Variants in CENPP observed in about 807,000 individuals in gnomAD.
CENPP encodes centromere protein P.
Under a neutral mutation model 35.6 loss-of-function variants are expected in CENPP, and 24 were observed. That is an observed-to-expected ratio of 0.67 (90% confidence interval 0.49 to 0.95). The LOEUF (loss-of-function observed/expected upper bound fraction) is 0.95, where lower values mean the gene tolerates loss of function less well. Among genes scored for constraint, CENPP ranks in the 40% least tolerant of loss-of-function variants. The pLI is 0.00. For synonymous variants in CENPP, 120 were observed against 125.5 expected (o/e 0.96, Z 0.29); for missense variants, 332 against 345.3 (o/e 0.96, Z 0.31).
intron 5 of CENPP, among the ~76,000 whole-genome samples, chr9:92,531,686 T>C (rs1446834641): frequency 6.6e-6 from 1 of 152,140 alleles, no homozygotes; most frequent in Non-Finnish European, 1.5e-5. Context: ...CGCCCCTCAA[T>C]TGAGAACCAC....
At chr9:92,600,104 CCAAT>C (rs1440093837) in intron 5 of CENPP, among the ~76,000 whole-genome samples, 2 of 152,216 alleles carry the variant, frequency 1.3e-5, no homozygotes, top group African/African-American at 2.4e-5. Flanking sequence ...TGGCTGTGTG[CCAAT>C]CAAACTTTAT....
intron 5 of CENPP, among the ~76,000 whole-genome samples, chr9:92,567,373 G>GATATATAGATATATATATAT (rs1554688236): frequency 7.7e-5 from 10 of 129,084 alleles, no homozygotes; most frequent in East Asian, 5.1e-4. Flanking sequence ...ACATAAGATA[G>GATATATAGATATATATATAT]ATATATATAT....
intron 5 of CENPP, among the ~76,000 whole-genome samples, chr9:92,532,588 T>TGATACTC (rs1382869562): frequency 6.6e-6 from 1 of 152,194 alleles, no homozygotes; most frequent in Non-Finnish European, 1.5e-5. Context: ...TCCAGTTCAT[T>TGATACTC]GATACTCTCT....
intron 5 of CENPP, among the ~76,000 whole-genome samples, chr9:92,449,174 G>A (rs1844629709): frequency 6.6e-6 from 1 of 152,122 alleles, no homozygotes; most frequent in African/African-American, 2.4e-5. Context: ...TGGGTGTGGT[G>A]GCTCAAGCCT....
chr9:92,376,402 T>A (rs1025200588), intron 4 of CENPP, among the ~76,000 whole-genome samples: 16 of 152,170 alleles, frequency 1.1e-4, no homozygotes, highest in African/African-American at 3.6e-4. Flanking sequence ...TACCCAAGGT[T>A]CATTGTCCCA....
chr9:92,466,329 A>G (rs747321863), intron 5 of CENPP: 21 of 1,357,044 alleles, frequency 1.5e-5, no homozygotes, highest in Non-Finnish European at 2.1e-5. Flanking sequence ...TTATAATTTC[A>G]AGATGTCCCA....
intron 5 of CENPP, among the ~76,000 whole-genome samples, chr9:92,442,719 G>A (rs1397605992): frequency 6.6e-6 from 1 of 151,422 alleles, no homozygotes; most frequent in Non-Finnish European, 1.5e-5. Flanking sequence ...CGTGGTGGTG[G>A]GTGCCTGTAG....
At chr9:92,414,808 ACTTC>A (rs1161472641) in intron 5 of CENPP, 2 of 240,086 alleles carry the variant, frequency 8.3e-6, no homozygotes, top group Admixed American at 5.4e-5. Context: ...TGCTAATGCT[ACTTC>A]CTTCCTCATT....
intron 3 of CENPP, chr9:92,339,559 A>C (rs1841043686): frequency 6.6e-6 from 1 of 152,222 alleles, no homozygotes; most frequent in Non-Finnish European, 1.5e-5. Flanking sequence ...CAAAGTGACC[A>C]AGAAAAGGTG....
At chr9:92,496,156 G>C in intron 5 of CENPP, 1 of 1,335,882 alleles carries the variant, frequency 7.5e-7, no homozygotes. Context: ...ATACCTTTTA[G>C]GTATATTTTG....
chr9:92,335,293 G>A (rs1840891091), intron 2 of CENPP, among the ~76,000 whole-genome samples: 1 of 152,064 alleles, frequency 6.6e-6, no homozygotes, highest in South Asian at 2.1e-4. Flanking sequence ...AAAAAATAAA[G>A]CCTGGACATA....
intron 5 of CENPP, among the ~76,000 whole-genome samples, chr9:92,560,214 A>G (rs1276346623): frequency 2.0e-5 from 3 of 152,118 alleles, no homozygotes; most frequent in African/African-American, 7.3e-5. Flanking sequence ...GGAAGAAACA[A>G]AAAACAAACT....
chr9:92,600,126 A>C, intron 5 of CENPP: 1 of 424,676 alleles, frequency 2.4e-6, no homozygotes, highest in South Asian at 3.0e-5. Context: ...TATTACAGAC[A>C]CTGAAGTCTG....
intron 4 of CENPP, among the ~76,000 whole-genome samples, chr9:92,350,900 CT>C (rs1204552775): frequency 6.6e-6 from 1 of 152,146 alleles, no homozygotes; most frequent in Non-Finnish European, 1.5e-5. Context: ...GTCCTCTTGC[CT>C]TAGCCTCCCA....
At chr9:92,336,288 TTC>T (rs1483812042) in intron 2 of CENPP, among the ~76,000 whole-genome samples, 1 of 152,230 alleles carries the variant, frequency 6.6e-6, no homozygotes, top group African/African-American at 2.4e-5. Context: ...ATTTGTACCA[TTC>T]TGTCTTTTTT....
chr9:92,524,627 C>T (rs969351427), intron 5 of CENPP, among the ~76,000 whole-genome samples: 1 of 152,172 alleles, frequency 6.6e-6, no homozygotes, highest in Non-Finnish European at 1.5e-5. Context: ...GCTCTTGCCT[C>T]AGGTCCACTC....
At chr9:92,436,780 A>C (rs1418039800) in intron 5 of CENPP, among the ~76,000 whole-genome samples, 1 of 152,136 alleles carries the variant, frequency 6.6e-6, no homozygotes, top group Non-Finnish European at 1.5e-5. Context: ...TGATTACTAT[A>C]GTTATATTGT....
intron 5 of CENPP, among the ~76,000 whole-genome samples, chr9:92,525,925 A>T (rs559206012): frequency 5.3e-4 from 81 of 151,456 alleles, no homozygotes; most frequent in African/African-American, 1.9e-3. Context: ...AGCACATACA[A>T]TTATGTACAG....
intron 5 of CENPP, among the ~76,000 whole-genome samples, chr9:92,595,284 C>T (rs1850751953): frequency 6.6e-6 from 1 of 152,166 alleles, no homozygotes. Flanking sequence ...CTCTCTCATC[C>T]AGGCTAGAGT....
Sources: gnomAD v4.1 joint callset for allele counts (sites outside exome capture counted in the v4.1 genomes callset) on GRCh38, gnomAD v4.1.1 for gene constraint, MANE v1.5 for transcripts, NCBI Gene and HGNC (gene_info 2026-07-23, HGNC 2026-07-21) for gene names.